The following RBFOX1 variants were observed in gnomAD, a reference collection of about 807,000 sequenced individuals.
RBFOX1 encodes RNA binding protein fox-1 homolog 1.
A neutral mutation model predicts 57.7 loss-of-function variants in RBFOX1; 8 were observed. The ratio of observed to expected loss-of-function variants is 0.14; its 90% CI spans 0.08 to 0.25. The LOEUF (loss-of-function observed/expected upper bound fraction) is 0.25. RBFOX1 is among the 10% of genes least tolerant of loss of function. The pLI is 1.00. For missense variants in RBFOX1, 611 were observed against 548.5 expected, an observed-to-expected ratio of 1.11 and a Z score of -1.14; for synonymous variants, 326 against 222.4, an observed-to-expected ratio of 1.47 and a Z score of -4.15.
chr16:7,377,855 G>A (rs2097712818), intron 4 of RBFOX1, among the ~76,000 whole-genome samples: 1 of 152,194 alleles, frequency 6.6e-6, no homozygotes, highest in African/African-American at 2.4e-5. Flanking sequence ...AGTGAAATAT[G>A]CCAGGTGATG....
At chr16:7,362,393 G>A (rs2097344403) in intron 4 of RBFOX1, among the ~76,000 whole-genome samples, 1 of 151,688 alleles carries the variant, frequency 6.6e-6, no homozygotes, top group African/African-American at 2.4e-5. Context: ...TAATGTGTGT[G>A]TGATTGTGTG....
chr16:7,267,713 G>C (rs969171321), intron 4 of RBFOX1, among the ~76,000 whole-genome samples: 1 of 152,040 alleles, frequency 6.6e-6, no homozygotes, highest in South Asian at 2.1e-4. Context: ...AAAATTAACT[G>C]GTTGTGATAG....
Position 6,995,323 on chromosome 16 carries a change from T to G in RBFOX1, c.-15-56734T>G, listed in dbSNP as rs552231639. Among the ~76,000 whole-genome samples, 15 of 147,698 alleles carry G rather than the reference T, an allele frequency of 1.0e-4. No homozygotes were observed. In the South Asian group the frequency reaches 3.3e-3, roughly 33 times the overall value. The stretch of plus-strand genomic sequence containing the variant: ...GTGTGTGTGTGTGTGTGTGTGTGTG[T>G]GTGTGTGTTAGAAGTGGTGATCCTG... On this transcript the variant is annotated intron_variant, in intron 3 of 15. Coordinates refer to ENST00000550418, the MANE Select transcript of RBFOX1 (RefSeq NM_018723.4).
At chr16:7,510,017 C>T (rs750606830) in intron 4 of RBFOX1, 3 of 278,458 alleles carry the variant, frequency 1.1e-5, no homozygotes, top group African/African-American at 2.4e-5. Context: ...CTCAGTGGTG[C>T]GCTGTGAAAC....
chr16:5,772,153 C>G (rs553471090), intron 3 of RBFOX1, among the ~76,000 whole-genome samples: 17 of 152,126 alleles, frequency 1.1e-4, no homozygotes, highest in Non-Finnish European at 2.5e-4. Flanking sequence ...GCCTGGGTGA[C>G]AGAGCAAGAC....
chr16:6,375,414 A>ATTT (rs71145222), intron 2 of RBFOX1, among the ~76,000 whole-genome samples: 2 of 149,048 alleles, frequency 1.3e-5, no homozygotes, highest in African/African-American at 4.9e-5. Context: ...GCTCTAGAGT[A>ATTT]TTTTTTTTTT....
chr16:5,758,072 G>T (rs892406791), intron 3 of RBFOX1, among the ~76,000 whole-genome samples: 7 of 152,100 alleles, frequency 4.6e-5, no homozygotes, highest in Non-Finnish European at 2.9e-5. Context: ...ACCCAAGTTG[G>T]GTGATACAGA....
chr16:5,603,986 A>G (rs1329628947), downstream of RBFOX1, among the ~76,000 whole-genome samples: 1 of 152,132 alleles, frequency 6.6e-6, no homozygotes, highest in Non-Finnish European at 1.5e-5. Context: ...CTCCCCTCCT[A>G]TACCCAAGGC....
intron 4 of RBFOX1, among the ~76,000 whole-genome samples, chr16:6,011,036 T>C (rs2094958184): frequency 6.6e-6 from 1 of 152,226 alleles, no homozygotes; most frequent in Non-Finnish European, 1.5e-5. Context: ...AGGTTGCATA[T>C]TTCATCCTAA....
At chr16:7,039,796 C>T (rs1224789814) in intron 3 of RBFOX1, among the ~76,000 whole-genome samples, 1 of 152,134 alleles carries the variant, frequency 6.6e-6, no homozygotes, top group Non-Finnish European at 1.5e-5. Flanking sequence ...TTTATAAACT[C>T]AGGTATCTAA....
At chr16:6,946,977 A>C (rs2079660339) in intron 3 of RBFOX1, among the ~76,000 whole-genome samples, 1 of 152,170 alleles carries the variant, frequency 6.6e-6, no homozygotes, top group Non-Finnish European at 1.5e-5. Flanking sequence ...TTTGAATCCC[A>C]GCCTGACCAG....
intron 5 of RBFOX1, among the ~76,000 whole-genome samples, chr16:7,524,035 C>G (rs1467478006): frequency 2.0e-5 from 3 of 152,168 alleles, no homozygotes; most frequent in South Asian, 2.1e-4. Context: ...TGTGAGATAC[C>G]TAGGTCATTC....
At chr16:5,549,543 G>A (rs1047595761) in intron 2 of RBFOX1, among the ~76,000 whole-genome samples, 4 of 152,222 alleles carry the variant, frequency 2.6e-5, no homozygotes, top group Non-Finnish European at 5.9e-5. Context: ...GATACAGTCA[G>A]TTCTGTGATA....
intron 3 of RBFOX1, among the ~76,000 whole-genome samples, chr16:5,826,119 G>A (rs983275685): frequency 6.8e-6 from 1 of 146,616 alleles, no homozygotes; most frequent in South Asian, 2.1e-4. Flanking sequence ...TCCTTAATAT[G>A]AATAAGGAAT....
chr16:6,737,293 C>G (rs957745507), intron 3 of RBFOX1, among the ~76,000 whole-genome samples: 14 of 152,014 alleles, frequency 9.2e-5, no homozygotes, highest in African/African-American at 2.2e-4. Context: ...TGTGATTATC[C>G]CTACCCTTAT....
intron 3 of RBFOX1, among the ~76,000 whole-genome samples, chr16:7,023,619 C>G (rs1397737972): frequency 2.3e-5 from 3 of 132,436 alleles, no homozygotes; most frequent in Non-Finnish European, 4.7e-5. Context: ...TGGTACATGA[C>G]TATAATTTCA....
At chr16:5,869,511 C>T (rs1305223245) in intron 4 of RBFOX1, among the ~76,000 whole-genome samples, 5 of 152,104 alleles carry the variant, frequency 3.3e-5, no homozygotes, top group African/African-American at 1.2e-4. Flanking sequence ...AAGTGATTCT[C>T]CTGCCTCAGC....
At chr16:7,580,410 G>T (rs1020037994) in intron 6 of RBFOX1, among the ~76,000 whole-genome samples, 1 of 152,164 alleles carries the variant, frequency 6.6e-6, no homozygotes. Flanking sequence ...AACTACTTCT[G>T]CATAAAGCTG....
intron 3 of RBFOX1, among the ~76,000 whole-genome samples, chr16:6,959,494 T>A (rs2082513936): frequency 6.6e-6 from 1 of 150,894 alleles, no homozygotes; most frequent in African/African-American, 2.5e-5. Context: ...GAGTATCTTT[T>A]TTTATTTTTT....
Sources: allele counts gnomAD v4.1 joint callset (sites outside exome capture counted in the v4.1 genomes callset), GRCh38; gene constraint gnomAD v4.1.1; transcripts MANE v1.5; gene names NCBI Gene and HGNC (gene_info 2026-07-23, HGNC 2026-07-21).